Variants in IFT25 observed in about 807,000 individuals in gnomAD.
IFT25 encodes the protein intraflagellar transport protein 25 homolog.
the IFT25 span, among the ~76,000 whole-genome samples, chr1:53,933,477 TC>T: frequency 6.6e-6 from 1 of 152,148 alleles, no homozygotes. Context: ...CTATAACGTG[TC>T]CCCTTTGTCT....
the IFT25 span, among the ~76,000 whole-genome samples, chr1:53,915,621 G>A: frequency 1.3e-5 from 2 of 152,210 alleles, no homozygotes; most frequent in African/African-American, 2.4e-5. Flanking sequence ...TTTGTCTTGC[G>A]AGGGTAAGGT....
At chr1:53,941,820 C>T in the IFT25 span, among the ~76,000 whole-genome samples, 1 of 152,140 alleles carries the variant, frequency 6.6e-6, no homozygotes, top group Non-Finnish European at 1.5e-5. Context: ...CTATATATTT[C>T]GGTTTGTCTG....
the IFT25 span, chr1:53,930,217 C>A: frequency 1.4e-6 from 2 of 1,386,202 alleles, no homozygotes; most frequent in South Asian, 1.5e-5. Context: ...TTATTGAATA[C>A]CTGTTTTTTA....
the IFT25 span, chr1:53,923,581 T>A: frequency 8.2e-6 from 2 of 244,048 alleles, no homozygotes; most frequent in East Asian, 1.0e-4. Context: ...GACCCTTTTT[T>A]CATTCCTATT....
chr1:53,936,243 G>A, the IFT25 span, among the ~76,000 whole-genome samples: 2 of 152,160 alleles, frequency 1.3e-5, no homozygotes, highest in East Asian at 1.9e-4. Context: ...AGCCGAAATC[G>A]TGCCACTGCA....
the IFT25 span, among the ~76,000 whole-genome samples, chr1:53,942,879 G>A: frequency 1.2e-4 from 19 of 152,304 alleles, no homozygotes; most frequent in Admixed American, 5.2e-4. Context: ...ATCATGTGAC[G>A]CACATCCAGA....
At chr1:53,933,347 G>C in the IFT25 span, among the ~76,000 whole-genome samples, 1 of 151,610 alleles carries the variant, frequency 6.6e-6, no homozygotes, top group Non-Finnish European at 1.5e-5. Flanking sequence ...TGTTAGCCAG[G>C]ATGGTCTCGA....
the IFT25 span, among the ~76,000 whole-genome samples, chr1:53,934,697 C>T: frequency 2.6e-5 from 4 of 152,128 alleles, no homozygotes; most frequent in Admixed American, 2.6e-4. Flanking sequence ...ACCCTGAGAA[C>T]ATGTAAGTGA....
At chr1:53,927,644 C>T in the IFT25 span, among the ~76,000 whole-genome samples, 4 of 152,150 alleles carry the variant, frequency 2.6e-5, no homozygotes, top group Non-Finnish European at 4.4e-5. Context: ...ACTAATCATC[C>T]TTGTTTTCTG....
chr1:53,945,201 C>A, the IFT25 span, among the ~76,000 whole-genome samples: 1 of 152,230 alleles, frequency 6.6e-6, no homozygotes, highest in African/African-American at 2.4e-5. Flanking sequence ...TAAATGCCCC[C>A]GACCTTAGGT....
the IFT25 span, among the ~76,000 whole-genome samples, chr1:53,941,616 A>T: frequency 6.6e-6 from 1 of 152,204 alleles, no homozygotes; most frequent in East Asian, 1.9e-4. Context: ...TGGGATGAAC[A>T]TTGTCAAGCC....
the IFT25 span, chr1:53,945,835 T>G: frequency 1.3e-4 from 3 of 23,240 alleles, no homozygotes; most frequent in African/African-American, 3.8e-4. Flanking sequence ...GGCCCCGCCC[T>G]GCCCTCAGCC....
the IFT25 span, among the ~76,000 whole-genome samples, chr1:53,919,129 G>A: frequency 7.7e-5 from 11 of 142,068 alleles, no homozygotes; most frequent in South Asian, 2.1e-4. Flanking sequence ...ATGGGCCACC[G>A]TGCTTGGCCC....
chr1:53,913,928 C>T, the IFT25 span, among the ~76,000 whole-genome samples: 3 of 152,226 alleles, frequency 2.0e-5, no homozygotes, highest in Non-Finnish European at 2.9e-5. Flanking sequence ...TGATCTCAGA[C>T]TTCCAGCCTC....
chr1:53,927,498 T>C, the IFT25 span, among the ~76,000 whole-genome samples: 1 of 152,214 alleles, frequency 6.6e-6, no homozygotes, highest in Non-Finnish European at 1.5e-5. Context: ...TCTGGTCTCC[T>C]GAGCCTCAAC....
At chr1:53,940,603 T>C in the IFT25 span, among the ~76,000 whole-genome samples, 1 of 152,174 alleles carries the variant, frequency 6.6e-6, no homozygotes, top group Non-Finnish European at 1.5e-5. Context: ...ATTCTAAATA[T>C]AAAGATACAG....
the IFT25 span, among the ~76,000 whole-genome samples, chr1:53,931,972 T>C: frequency 6.6e-6 from 1 of 152,234 alleles, no homozygotes; most frequent in Admixed American, 6.5e-5. Flanking sequence ...AACATAAGTA[T>C]ATATGCTATT....
the IFT25 span, among the ~76,000 whole-genome samples, chr1:53,939,068 C>A: frequency 8.3e-5 from 11 of 131,986 alleles, no homozygotes; most frequent in East Asian, 2.3e-3. Context: ...GAGCGAAACT[C>A]CGTCTCAAAA....
At chr1:53,918,514 C>G in the IFT25 span, among the ~76,000 whole-genome samples, 4 of 152,364 alleles carry the variant, frequency 2.6e-5, no homozygotes, top group Admixed American at 1.3e-4. Context: ...TTGGCCAGAA[C>G]TGGTCACATG....
Sources: allele counts gnomAD v4.1 joint callset (sites outside exome capture counted in the v4.1 genomes callset), GRCh38; gene constraint gnomAD v4.1.1; transcripts MANE v1.5; gene names NCBI Gene and HGNC (gene_info 2026-07-23, HGNC 2026-07-21).